The following AHI1 variants were observed in gnomAD, a reference collection of about 807,000 sequenced individuals.
AHI1 encodes the protein Abelson helper integration site 1.
AHI1 carries 123 observed loss-of-function variants against 149.3 expected under a neutral mutation model. That is an observed-to-expected ratio of 0.82 (90% CI 0.71 to 0.96). AHI1 has a LOEUF of 0.96. Ranked by LOEUF, AHI1 falls within the 40% of genes least tolerant of loss-of-function variation. The probability of loss-of-function intolerance (pLI) is 0.00; values close to 1 mark genes in which losing one functional copy is unlikely to be tolerated. For missense variants in AHI1, 1,439 were observed against 1,422.7 expected, an observed-to-expected ratio of 1.01 and a Z score of -0.18; for synonymous variants, 475 against 459.8, an observed-to-expected ratio of 1.03 and a Z score of -0.42.
intron 19 of AHI1, 150 bp downstream of exon 19, chr6:135,428,479 C>T: frequency 1.1e-6 from 1 of 907,024 alleles, no homozygotes; most frequent in Non-Finnish European, 1.5e-6. Flanking sequence ...TAGCTGAGTT[C>T]CTTTAAAGGC....
Position 135,419,437 on chromosome 6 carries a change from T to A in AHI1, c.2764+7730A>T, listed in dbSNP as rs562418376. Among the ~76,000 whole-genome samples, 3 of 152,196 alleles carry A rather than the reference T, an allele frequency of 2.0e-5. No homozygotes were observed. In the South Asian group the frequency reaches 6.2e-4, roughly 32 times the overall value. ...TTCATGAACTCTAATAACACAGGCA[T>A]TACTCAGAGATATGGCGGGTTTGGT... On this transcript the variant is annotated intron_variant, in intron 20 of 28. Coordinates refer to ENST00000265602, the MANE Select transcript of AHI1 (RefSeq NM_001134831.2).
intron 28 of AHI1, among the ~76,000 whole-genome samples, chr6:135,289,209 C>T (rs925051376): frequency 6.6e-6 from 1 of 151,150 alleles, no homozygotes; most frequent in African/African-American, 2.5e-5. Context: ...AAGGGTATTA[C>T]TCCTGGCCAG....
chr6:135,485,853 G>T (rs1295254800), intron 5 of AHI1, among the ~76,000 whole-genome samples: 1 of 152,056 alleles, frequency 6.6e-6, no homozygotes, highest in Non-Finnish European at 1.5e-5. Context: ...GCATAACAGG[G>T]AGCCTGTTAT....
intron 24 of AHI1, among the ~76,000 whole-genome samples, chr6:135,327,746 C>T (rs577088755): frequency 4.5e-4 from 69 of 152,180 alleles, no homozygotes; most frequent in African/African-American, 1.6e-3. Context: ...CCCCCCTCTA[C>T]CCTGGAGGAA....
chr6:135,409,068 TCTC>T (rs1363517216), intron 21 of AHI1, among the ~76,000 whole-genome samples: 3 of 152,300 alleles, frequency 2.0e-5, no homozygotes, highest in South Asian at 2.1e-4. Flanking sequence ...AACATTTCTA[TCTC>T]CTCCTTTTAG....
At chr6:135,483,134 G>A (rs996572759) in intron 5 of AHI1, among the ~76,000 whole-genome samples, 2 of 150,670 alleles carry the variant, frequency 1.3e-5, no homozygotes, top group African/African-American at 4.9e-5. Flanking sequence ...TCCTGACTTC[G>A]TGATCAGCCC....
chr6:135,339,606 A>G (rs1261709818), intron 24 of AHI1, among the ~76,000 whole-genome samples: 1 of 152,228 alleles, frequency 6.6e-6, no homozygotes, highest in Non-Finnish European at 1.5e-5. Flanking sequence ...AAACTTGAAG[A>G]TAAGTAAATT....
At chr6:135,366,661 T>C (rs973973801) in intron 23 of AHI1, among the ~76,000 whole-genome samples, 2 of 152,230 alleles carry the variant, frequency 1.3e-5, no homozygotes, top group Admixed American at 6.5e-5. Context: ...TTGAGCTTAT[T>C]TGGATCTTCT....
At chr6:135,384,758 T>G (rs1000559499) in intron 23 of AHI1, among the ~76,000 whole-genome samples, 13 of 152,222 alleles carry the variant, frequency 8.5e-5, no homozygotes, top group Non-Finnish European at 1.6e-4. Flanking sequence ...AAACTTGCAC[T>G]GGCCCATATG....
At chr6:135,445,916 C>T (rs575302806) in intron 13 of AHI1, among the ~76,000 whole-genome samples, 4 of 151,836 alleles carry the variant, frequency 2.6e-5, no homozygotes, top group Non-Finnish European at 5.9e-5. Flanking sequence ...ATTAGCCAGG[C>T]GTGGTGGCAG....
At chr6:135,319,690 ATC>A (rs771382599) in intron 25 of AHI1, among the ~76,000 whole-genome samples, 1 of 152,254 alleles carries the variant, frequency 6.6e-6, no homozygotes, top group Non-Finnish European at 1.5e-5. Context: ...GGTTAAGAAC[ATC>A]TCTGAACTGA....
chr6:135,287,110 A>G lies in AHI1; in HGVS notation c.3589-1463T>C, dbSNP rs559284401. ...GTTCATGTTAGTGGGAGGACAAAAA[A>G]GAAGAAGAAAAACAGAAAAGGGAAG... On this transcript the variant is annotated intron_variant, in intron 28 of 28. Transcript: ENST00000265602. Among the ~76,000 whole-genome samples the G allele has an allele frequency of 2.0e-5, 3 of 152,298 alleles. No homozygotes were observed. In the South Asian group the frequency reaches 6.2e-4, roughly 32 times the overall value.
intron 18 of AHI1, 75 bp from the exon 19 acceptor site, chr6:135,428,834 T>C: frequency 1.5e-6 from 2 of 1,313,706 alleles, no homozygotes; most frequent in South Asian, 1.6e-5. Context: ...ATCTTTTCTC[T>C]TAAATACTTA....
chr6:135,398,734 G>T (rs1057085379), intron 22 of AHI1, among the ~76,000 whole-genome samples: 1 of 151,978 alleles, frequency 6.6e-6, no homozygotes, highest in African/African-American at 2.4e-5. Context: ...AGAAAATTTG[G>T]TCTTGAACCC....
rs139777116 is a variant in AHI1 at position 135,296,106 on chromosome 6, C to T, written c.3485+4394G>A. On this transcript the variant is annotated intron_variant, in intron 27 of 28. Coordinates refer to ENST00000265602, the MANE Select transcript of AHI1 (RefSeq NM_001134831.2). ...CTGACCTCAGATGATCCGTTTGCCT[C>T]GGCCTCCCAAAGTGCTAGGATTACA... Among the ~76,000 whole-genome samples the T allele has an allele frequency of 4.6e-3, 704 of 152,290 alleles. 1 individual carries two copies. Among genetic ancestry groups the T allele is most frequent in the Middle Eastern group, 6.8e-3 (2 of 294 alleles).
At chr6:135,464,449 T>A (rs1317950635) in intron 7 of AHI1, among the ~76,000 whole-genome samples, 1 of 152,190 alleles carries the variant, frequency 6.6e-6, no homozygotes, top group Non-Finnish European at 1.5e-5. Context: ...AAGATGGACC[T>A]TACTGATCCC....
chr6:135,438,472 T>C lies in AHI1; in HGVS notation c.1939A>G (p.Met647Val). 8 of 1,549,876 alleles carry C rather than the reference T, an allele frequency of 5.2e-6. No homozygotes were observed. Among genetic ancestry groups the C allele is most frequent in the Non-Finnish European group, 6.1e-6 (7 of 1,145,476 alleles). The change falls in exon 15 of 29, where the codon ATG becomes GTG. Residue 647 changes from methionine (M) to valine (V), a missense_variant. By Grantham distance (21) the Met-to-Val change is conservative (BLOSUM62 1). Transcript: ENST00000265602. ...TTGAGGTGGCCACACAATTCTCTCA[T>C]GAAACGTCCAGAAGGAATTTCATAT... ...ILYEIPSGRF[M>V]RELCGHLNII...
chr6:135,327,161 G>C (rs184680564), intron 24 of AHI1, among the ~76,000 whole-genome samples: 39 of 152,288 alleles, frequency 2.6e-4, no homozygotes, highest in Non-Finnish European at 1.5e-4. Context: ...CCAGTCTGTG[G>C]TATTTTGTTA....
chr6:135,470,076 G>T (rs143172304), intron 5 of AHI1, among the ~76,000 whole-genome samples: 10 of 152,016 alleles, frequency 6.6e-5, no homozygotes, highest in Middle Eastern at 3.4e-3. Context: ...ATTTGACAAA[G>T]GTCTAATATC....
Sources: allele counts gnomAD v4.1 joint callset (sites outside exome capture counted in the v4.1 genomes callset), GRCh38; gene constraint gnomAD v4.1.1; transcripts MANE v1.5; gene names NCBI Gene and HGNC (gene_info 2026-07-23, HGNC 2026-07-21).